RNASE4: variants seen among roughly 807,000 people sequenced by gnomAD.
RNASE4 encodes ribonuclease A family member 4, also known as ribonuclease 4.
For synonymous variants in RNASE4, 93 were observed against 71.4 expected (o/e 1.30, Z -1.52); for missense variants, 194 against 192.8 (o/e 1.01, Z -0.04).
chr14:20,687,943 T>C (rs1886500340), intron 1 of RNASE4, among the ~76,000 whole-genome samples: 1 of 152,198 alleles, frequency 6.6e-6, no homozygotes, highest in South Asian at 2.1e-4. Context: ...TGGGGGTCTG[T>C]GAAACAGTTG....
intron 1 of RNASE4, among the ~76,000 whole-genome samples, chr14:20,695,124 G>A (rs576448213): frequency 1.1e-4 from 17 of 152,258 alleles, no homozygotes; most frequent in Admixed American, 8.5e-4. Flanking sequence ...CCGGCCAGGC[G>A]CTGTGGCTCA....
At chr14:20,697,785 A>T (rs1168090028) in intron 1 of RNASE4, among the ~76,000 whole-genome samples, 1 of 152,180 alleles carries the variant, frequency 6.6e-6, no homozygotes, top group Non-Finnish European at 1.5e-5. Context: ...CTCTCAAAAC[A>T]TTGCCCTTGC....
At chr14:20,687,954 GTACCCTGC>G (rs1418327144) in intron 1 of RNASE4, among the ~76,000 whole-genome samples, 1 of 152,144 alleles carries the variant, frequency 6.6e-6, no homozygotes, top group Non-Finnish European at 1.5e-5. Flanking sequence ...GAAACAGTTG[GTACCCTGC>G]TGCTGTCTGA....
chr14:20,691,694 C>T (rs527643469), intron 1 of RNASE4, among the ~76,000 whole-genome samples: 1 of 152,162 alleles, frequency 6.6e-6, no homozygotes, highest in Non-Finnish European at 1.5e-5. Flanking sequence ...CTGAAGAATA[C>T]CAAATAATAT....
intron 1 of RNASE4, among the ~76,000 whole-genome samples, chr14:20,688,172 A>G (rs1486702424): frequency 6.6e-6 from 1 of 152,176 alleles, no homozygotes; most frequent in Non-Finnish European, 1.5e-5. Flanking sequence ...CCCAGGAAAC[A>G]TGGCAAGCCT....
chr14:20,693,923 C>A lies in RNASE4; in HGVS notation c.-17-5432C>A, dbSNP rs1248531813. On this transcript the variant is annotated intron_variant, in intron 1 of 1. Transcript: ENST00000555835. ...CCCTGGCCTCCATGCCAGTACCGAG[C>A]CACAGCGGGGTTCAGAAACGTTGTT... is the stretch of plus-strand genomic sequence containing the variant. 6.2e-7 allele frequency: 1 copy of A among 1,614,048 alleles called. No individual in the cohort carries two copies. Among genetic ancestry groups the A allele is most frequent in the South Asian group, 1.1e-5 (1 of 91,080 alleles).
At chr14:20,692,650 A>C (rs1248465175) in intron 1 of RNASE4, among the ~76,000 whole-genome samples, 2 of 152,182 alleles carry the variant, frequency 1.3e-5, no homozygotes, top group Non-Finnish European at 1.5e-5. Context: ...TTCATCCTGA[A>C]ACCATCCCCC....
chr14:20,695,322 G>A (rs1887050247), intron 1 of RNASE4, among the ~76,000 whole-genome samples: 1 of 151,544 alleles, frequency 6.6e-6, no homozygotes, highest in Non-Finnish European at 1.5e-5. Context: ...TTGAACCTAG[G>A]AGGCGGAGGT....
chr14:20,685,069 C>T (rs1045522396), intron 1 of RNASE4, among the ~76,000 whole-genome samples: 6 of 152,184 alleles, frequency 3.9e-5, no homozygotes, highest in African/African-American at 7.2e-5. Context: ...TGCACTTGCC[C>T]ACAACTAAGA....
intron 1 of RNASE4, chr14:20,694,131 T>A: frequency 9.6e-7 from 1 of 1,046,754 alleles, no homozygotes; most frequent in South Asian, 1.3e-5. Context: ...CTGGACCTTT[T>A]GTTTTCTGTT....
intron 1 of RNASE4, among the ~76,000 whole-genome samples, chr14:20,691,812 T>C (rs1886765679): frequency 6.6e-6 from 1 of 152,188 alleles, no homozygotes; most frequent in Non-Finnish European, 1.5e-5. Flanking sequence ...AAATGCAAAT[T>C]AGAAAGAGAG....
intron 1 of RNASE4, among the ~76,000 whole-genome samples, chr14:20,686,292 G>GA (rs1886424617): frequency 6.6e-6 from 1 of 152,154 alleles, no homozygotes; most frequent in South Asian, 2.1e-4. Flanking sequence ...AGAGAGGATG[G>GA]AAAAAATCAT....
chr14:20,694,185 A>T (rs755739897), intron 1 of RNASE4: 1 of 709,254 alleles, frequency 1.4e-6, no homozygotes, highest in Non-Finnish European at 2.4e-6. Context: ...TATCAGTAAG[A>T]ATCAGAGTCT....
At chr14:20,689,941 C>CGCG (rs1886634971) in intron 1 of RNASE4, among the ~76,000 whole-genome samples, 1 of 144,002 alleles carries the variant, frequency 6.9e-6, no homozygotes. Flanking sequence ...ACAGGCCGGG[C>CGCG]GCGGTGGCTC....
At chr14:20,699,269 T>G in intron 1 of RNASE4, 86 bp from the exon 2 acceptor site, 1 of 1,135,302 alleles carries the variant, frequency 8.8e-7, no homozygotes, top group East Asian at 2.4e-5. Context: ...GACTATGGAG[T>G]CAGGATGCCG....
intron 1 of RNASE4, among the ~76,000 whole-genome samples, chr14:20,686,612 T>C (rs955536042): frequency 2.0e-5 from 3 of 152,208 alleles, no homozygotes; most frequent in Non-Finnish European, 4.4e-5. Flanking sequence ...CCAGAGTTGG[T>C]TGAAAAGCAA....
chr14:20,699,692 A>G lies in RNASE4; in HGVS notation c.321A>G (p.Thr107=). The G allele has an allele frequency of 6.2e-7, 1 of 1,610,118 alleles. No homozygotes were observed. Residue 107 remains threonine (T), a synonymous_variant, in exon 2 of 2, where the codon ACA becomes ACG. Coordinates refer to ENST00000555835, the MANE Select transcript of RNASE4 (RefSeq NM_002937.5). ...GCCATGAGGGTGTAGTGAAGGTCAC[A>G]GATTGCAGGGACACAGGAAGTTCCA... ...MNCHEGVVKV[T]DCRDTGSSRA... is the part of the protein sequence containing the mutation.
intron 1 of RNASE4, among the ~76,000 whole-genome samples, chr14:20,697,957 C>T (rs528642633): frequency 1.3e-5 from 2 of 152,238 alleles, no homozygotes; most frequent in South Asian, 4.2e-4. Flanking sequence ...GTGAGTGAGT[C>T]CACCTCCAGT....
intron 1 of RNASE4, among the ~76,000 whole-genome samples, chr14:20,695,032 A>G (rs1254838522): frequency 1.3e-5 from 2 of 152,208 alleles, no homozygotes; most frequent in Non-Finnish European, 2.9e-5. Flanking sequence ...TCAAAAACCA[A>G]TTACATTATT....
Sources: gnomAD v4.1 joint callset for allele counts (sites outside exome capture counted in the v4.1 genomes callset) on GRCh38, gnomAD v4.1.1 for gene constraint, MANE v1.5 for transcripts, NCBI Gene and HGNC (gene_info 2026-07-23, HGNC 2026-07-21) for gene names.